PLD5: variants seen among roughly 807,000 people sequenced by gnomAD.
PLD5 encodes the protein phospholipase D family member 5.
A neutral mutation model predicts 61.1 loss-of-function variants in PLD5; 36 were observed. That is an observed-to-expected ratio of 0.59 (90% confidence interval 0.45 to 0.78). PLD5 has a LOEUF of 0.78. PLD5 is among the 30% of genes least tolerant of loss of function. The pLI, the probability that PLD5 is intolerant of heterozygous loss-of-function variation, is 0.00. For synonymous variants in PLD5, 243 were observed against 242.8 expected, an observed-to-expected ratio of 1.00 and a Z score of -0.01; for missense variants, 515 against 644.4, an observed-to-expected ratio of 0.80 and a Z score of 2.17.
Position 242,124,436 on chromosome 1 carries a change from G to A in PLD5, c.933+32C>T, listed in dbSNP as rs769749511. The A allele has an allele frequency of 3.6e-5, 57 of 1,590,624 alleles. No homozygotes were observed. The Admixed American group carries it at 8.8e-4, about 25-fold the overall frequency. On this transcript the variant is annotated intron_variant, in intron 6 of 9. Coordinates refer to ENST00000536534, the MANE Select transcript of PLD5 (RefSeq NM_001372062.1). ...AATAAAGAGCCTTTGGAGGAAGAAG[G>A]AGAAGGGGAGGAGAAAGGGAAAACA...
At chr1:242,298,487 G>C (rs1403014389) in intron 2 of PLD5, among the ~76,000 whole-genome samples, 1 of 152,186 alleles carries the variant, frequency 6.6e-6, no homozygotes, top group Non-Finnish European at 1.5e-5. Context: ...ATGCCACTGA[G>C]CTGGGATTTT....
intron 6 of PLD5, among the ~76,000 whole-genome samples, chr1:242,119,450 G>A (rs1662200870): frequency 6.6e-6 from 1 of 152,090 alleles, no homozygotes; most frequent in Admixed American, 6.5e-5. Context: ...TCATATTTCT[G>A]TTTAAGGGAC....
intron 9 of PLD5, among the ~76,000 whole-genome samples, chr1:242,098,723 A>G (rs1325542170): frequency 6.6e-6 from 1 of 152,152 alleles, no homozygotes; most frequent in African/African-American, 2.4e-5. Flanking sequence ...ATGGTGACGT[A>G]CAGATGGGGT....
chr1:242,484,383 A>G (rs1201801517), intron 1 of PLD5, among the ~76,000 whole-genome samples: 1 of 152,234 alleles, frequency 6.6e-6, no homozygotes, highest in Non-Finnish European at 1.5e-5. Flanking sequence ...GGATATCACC[A>G]CCAATCCCAC....
intron 2 of PLD5, among the ~76,000 whole-genome samples, chr1:242,289,670 T>A (rs541260418): frequency 6.6e-6 from 1 of 152,316 alleles, no homozygotes; most frequent in South Asian, 2.1e-4. Flanking sequence ...CAATTCTTGA[T>A]GGAAAACCTC....
intron 1 of PLD5, among the ~76,000 whole-genome samples, chr1:242,467,366 A>T (rs934175224): frequency 6.6e-6 from 1 of 152,202 alleles, no homozygotes; most frequent in African/African-American, 2.4e-5. Context: ...GATATCTTGA[A>T]GGTAGTGGTT....
intron 1 of PLD5, among the ~76,000 whole-genome samples, chr1:242,404,169 C>T (rs1037202419): frequency 3.3e-5 from 5 of 152,192 alleles, no homozygotes; most frequent in Admixed American, 3.3e-4. Flanking sequence ...CAAAATTTAA[C>T]ACATGCCGAG....
At chr1:242,091,827 T>TC (rs1319817582) in intron 9 of PLD5, among the ~76,000 whole-genome samples, 4 of 149,720 alleles carry the variant, frequency 2.7e-5, no homozygotes, top group African/African-American at 9.8e-5. Flanking sequence ...TTCTTTTCTT[T>TC]TTTTCTTTTT....
At chr1:242,473,165 T>C (rs963642753) in intron 1 of PLD5, among the ~76,000 whole-genome samples, 7 of 152,186 alleles carry the variant, frequency 4.6e-5, no homozygotes, top group African/African-American at 1.7e-4. Context: ...TACATCACGG[T>C]GCTGCTGGAG....
At chr1:242,158,841 G>T (rs79324359) in intron 5 of PLD5, among the ~76,000 whole-genome samples, 36,958 of 151,906 alleles carry the variant, frequency 0.24, 4,861 homozygotes, top group South Asian at 0.35. Context: ...CAAGTTTTTT[G>T]ATTCTTCCCT....
chr1:242,253,504 G>T (rs1672836013), intron 4 of PLD5, among the ~76,000 whole-genome samples: 1 of 150,782 alleles, frequency 6.6e-6, no homozygotes, highest in African/African-American at 2.4e-5. Flanking sequence ...TAGTAGAGAC[G>T]GGGTTTCACT....
chr1:242,246,842 T>G (rs1262489694), intron 4 of PLD5, among the ~76,000 whole-genome samples: 1 of 152,128 alleles, frequency 6.6e-6, no homozygotes, highest in Non-Finnish European at 1.5e-5. Flanking sequence ...CGCTTTGGTT[T>G]TATACATTTT....
intron 2 of PLD5, among the ~76,000 whole-genome samples, chr1:242,313,922 T>C (rs1346774488): frequency 1.3e-5 from 2 of 152,068 alleles, no homozygotes; most frequent in Admixed American, 6.6e-5. Context: ...ATAACAGAAC[T>C]TGGCAGCAAG....
At chr1:242,168,846 G>GTTTTTTTTTTTTTTTTTTTTTTTTTTTT (rs34280777) in intron 5 of PLD5, among the ~76,000 whole-genome samples, 1 of 111,266 alleles carries the variant, frequency 9.0e-6, no homozygotes, top group Admixed American at 1.1e-4. Context: ...AATTAATGAA[G>GTTTTTTTTTTTTTTTTTTTTTTTTTTTT]TTTTTTTTTT....
rs111252018 is a variant in PLD5, at chr1:242,200,630, CA to C, written c.735+19357del. On this transcript the variant is annotated intron_variant, in intron 5 of 9. Transcript: ENST00000536534. ...AGTACGAGAAACAGTGTGGCACAGG[CA>C]AAAAAAAAAAATGTGTTGCATAAAC... Among the ~76,000 whole-genome samples the C allele has an allele frequency of 5.7e-3, 622 of 108,368 alleles. 3 individuals are homozygous for C. Among genetic ancestry groups the C allele is most frequent in the Non-Finnish European group, 9.2e-3 (467 of 50,868 alleles). The allele number at this position is 108,368 out of a possible 152,430, so 71.1% of individuals were successfully genotyped here.
At chr1:242,490,370 C>A (rs574508340) in intron 1 of PLD5, among the ~76,000 whole-genome samples, 1 of 152,136 alleles carries the variant, frequency 6.6e-6, no homozygotes, top group African/African-American at 2.4e-5. Flanking sequence ...TAAAATAAAC[C>A]AAATACCATT....
chr1:242,107,716 A>G lies in PLD5; in HGVS notation c.1194T>C (p.Ser398=). The part of the protein sequence containing the change: ...TDPLTFNFIS[S]LKAICTEIAN... ...CTATTTCAGTGCAAATCGCTTTAAG[A>G]GATGAAATAAAGTTAAACGTAAGGG... The change falls in exon 8 of 10, where the codon TCT becomes TCC. Residue 398 remains serine (S), a synonymous_variant. Coordinates refer to ENST00000536534, the MANE Select transcript of PLD5 (RefSeq NM_001372062.1). 1 of 1,606,890 alleles carries G rather than the reference A, an allele frequency of 6.2e-7. No individual in the cohort carries two copies. Among genetic ancestry groups the G allele is most frequent in the Non-Finnish European group, 8.5e-7 (1 of 1,178,360 alleles).
chr1:242,143,935 G>A (rs1439008670), intron 5 of PLD5, among the ~76,000 whole-genome samples: 1 of 151,722 alleles, frequency 6.6e-6, no homozygotes, highest in Non-Finnish European at 1.5e-5. Flanking sequence ...TCCCCTGCCA[G>A]GTTCAAGCGA....
At chr1:242,429,671 C>A (rs1665615743) in intron 1 of PLD5, among the ~76,000 whole-genome samples, 1 of 152,206 alleles carries the variant, frequency 6.6e-6, no homozygotes. Context: ...ATCATGAGTA[C>A]ATTCCCAGTG....
Sources: gnomAD v4.1 joint callset for allele counts (sites outside exome capture counted in the v4.1 genomes callset) on GRCh38, gnomAD v4.1.1 for gene constraint, MANE v1.5 for transcripts, NCBI Gene and HGNC (gene_info 2026-07-23, HGNC 2026-07-21) for gene names.